PCYT1B: variants seen among roughly 807,000 people sequenced by gnomAD.
The protein encoded by PCYT1B is choline-phosphate cytidylyltransferase B.
A neutral mutation model predicts 26.4 loss-of-function variants in PCYT1B; 10 were observed. The ratio of observed to expected loss-of-function variants is 0.38; its 90% CI spans 0.23 to 0.64. The LOEUF is 0.64. Ranked by LOEUF, PCYT1B falls within the 30% of genes least tolerant of loss-of-function variation. PCYT1B has a pLI of 0.56. For missense variants in PCYT1B, 161 were observed against 292.7 expected, an observed-to-expected ratio of 0.55 and a Z score of 3.28; for synonymous variants, 131 against 108.4, an observed-to-expected ratio of 1.21 and a Z score of -1.29.
At chrX:24,656,021 C>T (rs1926898584) in intron 1 of PCYT1B, among the ~76,000 whole-genome samples, 1 of 98,127 alleles carries the variant, frequency 1.0e-5, no homozygotes, top group Admixed American at 1.2e-4. Flanking sequence ...CCCAGCTACT[C>T]GGGGCGCTGA....
chrX:24,648,449 A>ATTTTTTTTTT (rs57744798), upstream of PCYT1B, among the ~76,000 whole-genome samples: 36 of 39,723 alleles, frequency 9.1e-4, 5 homozygotes, highest in African/African-American at 4.5e-3. Flanking sequence ...ATTTGAAGGA[A>ATTTTTTTTTT]TTTTTTTTTT....
chrX:24,667,619 A>G (rs1445201226), intron 1 of PCYT1B, among the ~76,000 whole-genome samples: 1 of 110,048 alleles, frequency 9.1e-6, no homozygotes, highest in Non-Finnish European at 1.9e-5. Context: ...CAGGAGGCTG[A>G]GGCAGGAGAA....
At chrX:24,649,126 C>G (rs1926713065), upstream of PCYT1B, among the ~76,000 whole-genome samples, 1 of 111,133 alleles carries the variant, frequency 9.0e-6, no homozygotes, top group African/African-American at 3.3e-5. Context: ...GCTTCCTACC[C>G]TATTTGCCCT....
intron 3 of PCYT1B, among the ~76,000 whole-genome samples, chrX:24,603,742 A>G (rs1024869473): frequency 9.0e-6 from 1 of 111,514 alleles, no homozygotes; most frequent in Non-Finnish European, 1.9e-5. Context: ...AAATGATTAA[A>G]TAAAAAACTT....
intron 3 of PCYT1B, among the ~76,000 whole-genome samples, chrX:24,596,553 C>G (rs1375778718): frequency 9.6e-6 from 1 of 103,630 alleles, no homozygotes. Context: ...GATCATGGTA[C>G]TGTATTCCAG....
chrX:24,592,378 C>T (rs1364426703), intron 3 of PCYT1B, among the ~76,000 whole-genome samples: 2 of 111,596 alleles, frequency 1.8e-5, no homozygotes, highest in African/African-American at 6.5e-5. Flanking sequence ...CCAACAGTCA[C>T]ACTCAGCATC....
chrX:24,662,709 T>C (rs1411922242), intron 1 of PCYT1B, among the ~76,000 whole-genome samples: 4 of 111,751 alleles, frequency 3.6e-5, no homozygotes, highest in African/African-American at 6.5e-5. Flanking sequence ...CTTCCTGCCC[T>C]GCCCCTCCCA....
chrX:24,662,513 G>A (rs1017455670), intron 1 of PCYT1B, among the ~76,000 whole-genome samples: 2 of 111,758 alleles, frequency 1.8e-5, no homozygotes, highest in African/African-American at 6.5e-5. Context: ...AGAGGCAAAG[G>A]CTTGACGTGC....
chrX:24,633,401 C>T (rs1220667170), intron 1 of PCYT1B, among the ~76,000 whole-genome samples: 1 of 109,989 alleles, frequency 9.1e-6, no homozygotes, highest in African/African-American at 3.3e-5. Flanking sequence ...AGGCCAGGCA[C>T]GGTGGCTCAC....
chrX:24,604,910 T>C (rs974151264), intron 3 of PCYT1B, among the ~76,000 whole-genome samples: 5 of 111,849 alleles, frequency 4.5e-5, no homozygotes, highest in African/African-American at 1.3e-4. Flanking sequence ...TAAGGGAATA[T>C]CTGAAATTCT....
At chrX:24,579,232 C>A in intron 6 of PCYT1B, 84 bp downstream of exon 6, 1 of 947,829 alleles carries the variant, frequency 1.1e-6, no homozygotes, top group Non-Finnish European at 1.5e-6. Flanking sequence ...CTGCATAGCA[C>A]TTAGTAAGTG....
At chrX:24,645,219 G>T (rs1182964891) in intron 1 of PCYT1B, among the ~76,000 whole-genome samples, 2 of 111,651 alleles carry the variant, frequency 1.8e-5, no homozygotes, top group African/African-American at 6.5e-5. Context: ...ACAAACTGGA[G>T]CTGGATGCCG....
At chrX:24,562,761 T>A (rs1923475954) in intron 7 of PCYT1B, among the ~76,000 whole-genome samples, 1 of 104,993 alleles carries the variant, frequency 9.5e-6, no homozygotes, top group African/African-American at 3.5e-5. Flanking sequence ...AGAGTCTCGC[T>A]CTGTCACCCA....
In PCYT1B at chrX:24,647,329, A is replaced by G. The variant is rs1821664362; in HGVS notation, c.-224T>C. On this transcript the variant is annotated 5_prime_UTR_variant, in exon 1 of 8. Transcript: ENST00000379144. ...AGAGGCAAGGCCTCAGTTTATCACT[A>G]TAACAACCAGACGACACTGAAGCGG... 4 of 973,180 alleles carry G rather than the reference A, an allele frequency of 4.1e-6. No individual in the cohort carries two copies. Among genetic ancestry groups the G allele is most frequent in the South Asian group, 3.5e-5 (1 of 28,746 alleles). The allele number at this position is 973,180 out of a possible 1,213,427, so 80.2% of individuals were successfully genotyped here.
At chrX:24,669,296 C>G (rs1364320520) in intron 1 of PCYT1B, among the ~76,000 whole-genome samples, 2 of 110,078 alleles carry the variant, frequency 1.8e-5, no homozygotes, top group Admixed American at 2.0e-4. Context: ...GTGGGCAGAT[C>G]ACGTGAGGTC....
At chrX:24,578,782 A>T (rs1924105557) in intron 6 of PCYT1B, among the ~76,000 whole-genome samples, 1 of 111,392 alleles carries the variant, frequency 9.0e-6, no homozygotes, top group Non-Finnish European at 1.9e-5. Context: ...TCTCCCAGAA[A>T]CCCTTCAATC....
intron 1 of PCYT1B, among the ~76,000 whole-genome samples, chrX:24,624,348 T>C (rs919243326): frequency 2.7e-5 from 3 of 112,149 alleles, no homozygotes; most frequent in Non-Finnish European, 5.6e-5. Context: ...TTATTTAATA[T>C]CCCTTTCCTA....
intron 7 of PCYT1B, among the ~76,000 whole-genome samples, chrX:24,572,264 GCGCACACA>G (rs756129915): frequency 9.9e-6 from 1 of 101,264 alleles, no homozygotes; most frequent in Admixed American, 1.1e-4. Flanking sequence ...ACACACGCGC[GCGCACACA>G]CACACACACA....
At chrX:24,610,032 G>A (rs1435226629) in intron 2 of PCYT1B, among the ~76,000 whole-genome samples, 1 of 111,281 alleles carries the variant, frequency 9.0e-6, no homozygotes, top group Non-Finnish European at 1.9e-5. Flanking sequence ...GGCAGAGGCT[G>A]CAATGAGCTG....
Sources: allele counts gnomAD v4.1 joint callset (sites outside exome capture counted in the v4.1 genomes callset), GRCh38; gene constraint gnomAD v4.1.1; transcripts MANE v1.5; gene names NCBI Gene and HGNC (gene_info 2026-07-23, HGNC 2026-07-21).